The following ADGRE3 variants were observed in gnomAD, a reference collection of about 807,000 sequenced individuals.
ADGRE3 encodes EGF-like module receptor 3.
In ADGRE3, 88 loss-of-function variants were observed where a neutral mutation model predicts 80.1. That is an observed-to-expected ratio of 1.10 (90% confidence interval 0.93 to 1.31). The LOEUF (loss-of-function observed/expected upper bound fraction) is 1.31, where lower values mean the gene tolerates loss of function less well. Among genes scored for constraint, ADGRE3 ranks in the 40% most tolerant of loss-of-function variants. The pLI is 0.00. For synonymous variants in ADGRE3, 281 were observed against 294.8 expected, an observed-to-expected ratio of 0.95 and a Z score of 0.48; for missense variants, 715 against 776.5, an observed-to-expected ratio of 0.92 and a Z score of 0.94.
chr19:14,648,818 T>C (rs373323377), intron 7 of ADGRE3, among the ~76,000 whole-genome samples: 114 of 152,282 alleles, frequency 7.5e-4, no homozygotes, highest in African/African-American at 2.7e-3. Context: ...AGTTCTACCT[T>C]GTGTCTCCTG....
chr19:14,621,706 T>C lies in ADGRE3; in HGVS notation c.1921-2235A>G, dbSNP rs1599600027. 2 of 1,038,648 alleles carry C rather than the reference T, an allele frequency of 1.9e-6. 1 individual carries two copies. The highest frequency in any genetic ancestry group is 3.2e-5 in the South Asian group (2 of 62,136). 64.3% of individuals were successfully genotyped at this position (1,038,648 alleles called of 1,614,324 possible). A position where few individuals can be genotyped will look rare whatever the true frequency, so the allele number is the denominator to read the frequency against. On this transcript the variant is annotated intron_variant, in intron 15 of 15. Transcript: ENST00000253673. ...AAATAGGATTTTCACCCGTGTCCCA[T>C]TTGGCATTCATTTTCTCCTTTTCAA... is the stretch of plus-strand genomic sequence containing the variant.
chr19:14,618,536 AGAGT>A (rs2075096474), downstream of ADGRE3, among the ~76,000 whole-genome samples: 1 of 151,546 alleles, frequency 6.6e-6, no homozygotes, highest in South Asian at 2.1e-4. Flanking sequence ...CCTGGGTGAC[AGAGT>A]GAGACTCAGT....
intron 11 of ADGRE3, among the ~76,000 whole-genome samples, chr19:14,637,556 G>A (rs1486593514): frequency 7.0e-5 from 5 of 71,922 alleles, no homozygotes; most frequent in Admixed American, 1.9e-4. Flanking sequence ...ACCATGCTTG[G>A]CTATTTTTTT....
At chr19:14,617,378 C>CTTTCTT (rs2075087461), downstream of ADGRE3, among the ~76,000 whole-genome samples, 2 of 81,242 alleles carry the variant, frequency 2.5e-5, no homozygotes, top group South Asian at 4.2e-4. Context: ...TTCTTTCTTC[C>CTTTCTT]TTTCTTTCTT....
In ADGRE3 at chr19:14,638,300, TAG is replaced by T. The variant is rs1040332369; in HGVS notation, c.1287_1288del (p.Tyr430ProfsTer31). The T allele has an allele frequency of 1.2e-6, 2 of 1,613,812 alleles. No homozygotes were observed. Among genetic ancestry groups the T allele is most frequent in the Admixed American group, 1.7e-5 (1 of 59,962 alleles). The stretch of plus-strand genomic sequence containing the variant: ...CAGCATCCAGGTGAAGGCGGCCAGG[TAG>T]AGATAGTGCAAAGCACCGGCGATGA... On this transcript the variant is annotated frameshift_variant, in exon 11 of 16. Coordinates refer to ENST00000253673, the MANE Select transcript of ADGRE3 (RefSeq NM_032571.5). LOFTEE classifies it high-confidence loss of function.
the ADGRE3 span, chr19:14,610,042 G>A: frequency 1.3e-6 from 2 of 1,589,062 alleles, no homozygotes; most frequent in African/African-American, 1.3e-5. Flanking sequence ...CTGTCCCTCT[G>A]CCCACTTTTT....
intron 7 of ADGRE3, among the ~76,000 whole-genome samples, chr19:14,650,457 T>A (rs556408655): frequency 6.7e-6 from 1 of 149,480 alleles, no homozygotes; most frequent in African/African-American, 2.5e-5. Context: ...TCTTTCCACA[T>A]CTCTCTCCCC....
At chr19:14,610,850 T>TGA in the ADGRE3 span, 1 of 152,240 alleles carries the variant, frequency 6.6e-6, no homozygotes, top group African/African-American at 2.4e-5. Flanking sequence ...TTTATAGAGA[T>TGA]GAGGTCTCAC....
chr19:14,620,417 C>CATGTATATATGAATATATATGTATATTT (rs1970512668), intron 15 of ADGRE3, among the ~76,000 whole-genome samples: 1 of 122,734 alleles, frequency 8.1e-6, no homozygotes, highest in Non-Finnish European at 1.8e-5. Flanking sequence ...TATGTATATT[C>CATGTATATATGAATATATATGTATATTT]ATGTATATAT....
At chr19:14,634,416 T>G (rs1970976526) in intron 11 of ADGRE3, among the ~76,000 whole-genome samples, 1 of 152,174 alleles carries the variant, frequency 6.6e-6, no homozygotes, top group Non-Finnish European at 1.5e-5. Context: ...ATTTGTAATT[T>G]AAGTATGTGA....
At position 14,630,137 on chromosome 19, in the gene ADGRE3, C is replaced by G; in HGVS notation, c.1714G>C (p.Val572Leu). ...GCCATGACCTGGGCAGCTGGACCCA[C>G]CTGTAGCAAGCCCAGACACCATGTG... ...GCTWCLGLLQ[V>L]GPAAQVMAYL... Residue 572 changes from valine (V) to leucine (L), a missense_variant, in exon 14 of 16, where the codon GTG (valine) becomes CTG (leucine). Transcript: ENST00000253673. 1 of 1,613,692 alleles carries G rather than the reference C, an allele frequency of 6.2e-7. No individual in the cohort carries two copies. Among genetic ancestry groups the G allele is most frequent in the Non-Finnish European group, 8.5e-7 (1 of 1,179,696 alleles).
intron 6 of ADGRE3, among the ~76,000 whole-genome samples, chr19:14,654,087 G>A (rs373594587): frequency 6.7e-4 from 102 of 151,526 alleles, no homozygotes; most frequent in African/African-American, 2.4e-3. Flanking sequence ...GGAGTAGCTG[G>A]GATTACAGTC....
chr19:14,619,456 C>T lies in ADGRE3; in HGVS notation c.1936G>A (p.Gly646Arg). Residue 646 changes from glycine (G) to arginine (R), a missense_variant, in exon 16 of 16, where the codon GGA (glycine) becomes AGA (arginine). By Grantham distance (125) the Gly-to-Arg change is moderately radical. Coordinates refer to ENST00000253673, the MANE Select transcript of ADGRE3 (RefSeq NM_032571.5). ...TTTTAATATTTTCTCTTCACTTGTC[C>T]TGGAAAAACATCCCCCTATAAAAGA... ...SKPSEGDVFPGQVKRKY is the reference protein window; with the variant it reads ...SKPSEGDVFPRQVKRKY 6.3e-7 allele frequency: 1 copy of T among 1,595,184 alleles called. No individual in the cohort carries two copies.
At chr19:14,664,829 C>T (rs939100423) in intron 2 of ADGRE3, among the ~76,000 whole-genome samples, 2 of 151,746 alleles carry the variant, frequency 1.3e-5, no homozygotes, top group African/African-American at 2.4e-5. Flanking sequence ...GATAAATTCA[C>T]AGAATTGAAA....
chr19:14,602,728 G>A, the ADGRE3 span, among the ~76,000 whole-genome samples: 2 of 151,440 alleles, frequency 1.3e-5, no homozygotes. Flanking sequence ...TTATTTGTAT[G>A]AGTAGTTAAA....
intron 1 of ADGRE3, among the ~76,000 whole-genome samples, chr19:14,673,233 G>A (rs1037224860): frequency 6.6e-6 from 1 of 152,220 alleles, no homozygotes; most frequent in African/African-American, 2.4e-5. Flanking sequence ...TAGCTGTGAG[G>A]CTTTGAGAAA....
intron 14 of ADGRE3, among the ~76,000 whole-genome samples, chr19:14,628,280 A>AC (rs1458681333): frequency 6.6e-6 from 1 of 150,918 alleles, no homozygotes; most frequent in African/African-American, 2.4e-5. Flanking sequence ...AAAAATACAA[A>AC]AAAAAAAAAA....
downstream of ADGRE3, among the ~76,000 whole-genome samples, chr19:14,617,489 CT>C (rs1311952514): frequency 1.3e-5 from 2 of 151,304 alleles, no homozygotes; most frequent in African/African-American, 2.4e-5. Flanking sequence ...CCTCTGCCTC[CT>C]GGGTTCAAGT....
intron 1 of ADGRE3, among the ~76,000 whole-genome samples, chr19:14,673,622 G>A (rs1462867019): frequency 6.6e-6 from 1 of 152,188 alleles, no homozygotes; most frequent in African/African-American, 2.4e-5. Flanking sequence ...CATAACCTGT[G>A]CCCCAGTTTT....
Sources: gnomAD v4.1 joint callset for allele counts (sites outside exome capture counted in the v4.1 genomes callset) on GRCh38, gnomAD v4.1.1 for gene constraint, MANE v1.5 for transcripts, NCBI Gene and HGNC (gene_info 2026-07-23, HGNC 2026-07-21) for gene names.